Variants in HSPA4 observed in about 807,000 individuals in gnomAD.
HSPA4 encodes heat shock protein family A (Hsp70) member 4, also known as heat shock 70 kDa protein 4.
HSPA4 carries 25 observed loss-of-function variants against 106.2 expected under a neutral mutation model. The ratio of observed to expected loss-of-function variants is 0.24; its 90% CI spans 0.17 to 0.33. The LOEUF is 0.33. Ranked by LOEUF, HSPA4 falls within the 10% of genes least tolerant of loss-of-function variation. The probability of loss-of-function intolerance (pLI) is 1.00; values close to 1 mark genes in which losing one functional copy is unlikely to be tolerated. For synonymous variants in HSPA4, 332 were observed against 333.6 expected (o/e 1.00, Z 0.05); for missense variants, 841 against 996.0 (o/e 0.84, Z 2.10).
rs1765608352 is a variant in HSPA4 at position 133,088,618 on chromosome 5, T to C, written c.1137+63T>C. The stretch of plus-strand genomic sequence containing the variant: ...TCATTGTAACAAGATGGCAGTGGTT[T>C]ATGTATCTAATAACCTGGGATTAGC... On this transcript the variant is annotated intron_variant, in intron 9 of 18. Transcript: ENST00000304858. 2.1e-6 allele frequency: 3 copies of C among 1,400,332 alleles called. No homozygotes were observed. In the Admixed American group the frequency reaches 5.2e-5, roughly 24 times the overall value. The allele number at this position is 1,400,332 out of a possible 1,614,324, so 86.7% of individuals were successfully genotyped here.
In HSPA4 at chr5:133,089,115, T is replaced by C. The variant is rs1310121128; in HGVS notation, c.1198T>C (p.Tyr400His). 1.2e-6 allele frequency: 2 copies of C among 1,604,490 alleles called. No individual in the cohort carries two copies. The highest frequency in any genetic ancestry group is 1.7e-6 in the Non-Finnish European group (2 of 1,174,770). ...ATTTTCTATCACTGATGTAGTACCA[T>C]ATCCAATATCTCTGAGATGGAATTC... ...REFSITDVVP[Y>H]PISLRWNSPA... The change falls in exon 10 of 19, where the codon TAT (tyrosine) becomes CAT (histidine). Residue 400 changes from tyrosine (Y) to histidine (H), a missense_variant. Physicochemically the swap from Tyr to His is moderately conservative, Grantham distance 83. This residue lies in a region of HSPA4 where 162 missense variants were observed against 177.7 expected (regional missense o/e 0.91). Transcript: ENST00000304858.
At chr5:133,057,285 T>C (rs1040994595) in intron 1 of HSPA4, among the ~76,000 whole-genome samples, 1 of 152,178 alleles carries the variant, frequency 6.6e-6, no homozygotes, top group African/African-American at 2.4e-5. Flanking sequence ...TCTGAAAAGC[T>C]CATTTTCTCC....
In HSPA4 at chr5:133,070,454, C is replaced by T. The variant is rs764064383; in HGVS notation, c.387C>T (p.Ala129=). The T allele has an allele frequency of 5.6e-6, 9 of 1,613,222 alleles. No homozygotes were observed. Among genetic ancestry groups the T allele is most frequent in the African/African-American group, 1.3e-5 (1 of 74,834 alleles). ...AMLLSKLKET[A]ESVLKKPVVD... is the part of the protein sequence containing the mutation. ...TTTTGTCCAAACTGAAGGAGACAGC[C>T]GAAAGTGTTCTTAAGAAGCCTGTAG... The change falls in exon 4 of 19, where the codon GCC becomes GCT. Residue 129 remains alanine, a synonymous_variant. Coordinates refer to ENST00000304858, the MANE Select transcript of HSPA4 (RefSeq NM_002154.4).
At chr5:133,060,553 G>A (rs959126373) in intron 1 of HSPA4, among the ~76,000 whole-genome samples, 2 of 151,968 alleles carry the variant, frequency 1.3e-5, no homozygotes, top group African/African-American at 4.8e-5. Flanking sequence ...AGTAGAGACG[G>A]GTTTCACCGT....
chr5:133,096,444 C>T (rs1045215496), intron 14 of HSPA4, among the ~76,000 whole-genome samples, 194 bp downstream of exon 14: 6 of 152,078 alleles, frequency 3.9e-5, no homozygotes, highest in Non-Finnish European at 8.8e-5. Flanking sequence ...TATGGTGGTA[C>T]TAAGATGTCT....
chr5:133,093,703 C>G lies in HSPA4; in HGVS notation c.1650+914C>G, dbSNP rs1376623481. Among the ~76,000 whole-genome samples, 5 of 151,650 alleles carry G rather than the reference C, an allele frequency of 3.3e-5. No homozygotes were observed. In the East Asian group the frequency reaches 1.0e-3, roughly 30 times the overall value. On this transcript the variant is annotated intron_variant, in intron 13 of 18. Transcript: ENST00000304858. ...ACAGGGTTTCTCCATGTTGGCCAGG[C>G]TGGTGTTGAACTCCTGACCTCAAGT...
chr5:133,052,809 C>G (rs535398750), intron 1 of HSPA4: 1 of 153,946 alleles, frequency 6.5e-6, no homozygotes, highest in African/African-American at 2.4e-5. Flanking sequence ...GCTTGCCAGC[C>G]GCGAGACCGT....
intron 17 of HSPA4, among the ~76,000 whole-genome samples, chr5:133,102,911 G>GTTTTTTTTTTTTTTTTTTT (rs1581483781): frequency 2.0e-5 from 1 of 48,904 alleles, no homozygotes; most frequent in Non-Finnish European, 4.1e-5. Flanking sequence ...AACTAGGGTT[G>GTTTTTTTTTTTTTTTTTTT]TCTTTTTTTT....
chr5:133,080,261 A>G (rs962576399), intron 7 of HSPA4, among the ~76,000 whole-genome samples: 1 of 151,796 alleles, frequency 6.6e-6, no homozygotes, highest in African/African-American at 2.4e-5. Context: ...TAAAAATACA[A>G]AAAAGTAGCT....
intron 1 of HSPA4, among the ~76,000 whole-genome samples, chr5:133,053,579 G>A (rs1200604714): frequency 1.3e-5 from 2 of 151,870 alleles, no homozygotes; most frequent in Non-Finnish European, 1.5e-5. Flanking sequence ...CGAACTTCTG[G>A]ACTCAAGCAG....
chr5:133,094,056 C>T (rs1223331611), intron 13 of HSPA4, among the ~76,000 whole-genome samples: 1 of 152,260 alleles, frequency 6.6e-6, no homozygotes, highest in South Asian at 2.1e-4. Flanking sequence ...TGTGCCACTG[C>T]ACTCCAATTT....
At chr5:133,068,806 A>T (rs1765344997) in intron 3 of HSPA4, among the ~76,000 whole-genome samples, 1 of 152,230 alleles carries the variant, frequency 6.6e-6, no homozygotes, top group Admixed American at 6.5e-5. Context: ...TTTATTCATA[A>T]GCATTGCAAG....
rs1327091438 is a variant in HSPA4 at position 133,105,259 on chromosome 5, GTTTA to G, written c.*826_*829del. 6.6e-6 allele frequency: 1 copy of G among 152,202 alleles called. No homozygotes were observed. Among genetic ancestry groups the G allele is most frequent in the East Asian group, 1.9e-4 (1 of 5,206 alleles). The allele number at this position is 152,202 out of a possible 1,614,324, so 9.4% of individuals were successfully genotyped here. The stretch of plus-strand genomic sequence containing the variant: ...GGTGTAAAGATTTGTATCCTGGCCT[GTTTA>G]TTCAGGTGGGAGATGTTCTGTATAA... On this transcript the variant is annotated 3_prime_UTR_variant, in exon 19 of 19. Coordinates refer to ENST00000304858, the MANE Select transcript of HSPA4 (RefSeq NM_002154.4).
intron 7 of HSPA4, among the ~76,000 whole-genome samples, chr5:133,079,821 TTCA>T (rs1412385207): frequency 2.0e-5 from 3 of 152,242 alleles, no homozygotes; most frequent in African/African-American, 7.2e-5. Context: ...TTTGTGTTAA[TTCA>T]TCGTTTTGAT....
intron 16 of HSPA4, 98 bp from the exon 17 acceptor site, chr5:133,101,661 G>C: frequency 8.9e-7 from 1 of 1,121,662 alleles, no homozygotes; most frequent in Non-Finnish European, 1.3e-6. Context: ...CTTATATATA[G>C]CACACGGAGA....
chr5:133,053,823 C>G (rs1021927174), intron 1 of HSPA4, among the ~76,000 whole-genome samples: 1 of 151,748 alleles, frequency 6.6e-6, no homozygotes, highest in Non-Finnish European at 1.5e-5. Context: ...CCATGCCCGG[C>G]TAAATTTTGT....
Position 133,073,213 on chromosome 5 carries a change from C to CTTT in HSPA4, c.430-7_430-5dup, listed in dbSNP as rs756561855. On this transcript the variant is annotated splice_polypyrimidine_tract_variant and intron_variant, in intron 4 of 18. Coordinates refer to ENST00000304858, the MANE Select transcript of HSPA4 (RefSeq NM_002154.4). ...TAGAATCTATAATACAGTAAGCATT[C>CTTT]TTTTTTTTTTTTGTAGGTTCCTTGT... The CTTT allele has an allele frequency of 2.0e-5, 24 of 1,189,372 alleles. No homozygotes were observed. The highest frequency in any genetic ancestry group is 4.7e-5 in the Admixed American group (2 of 43,002). 73.7% of individuals were successfully genotyped at this position (1,189,372 alleles called of 1,614,324 possible). A position where few individuals can be genotyped will look rare whatever the true frequency, so the allele number is the denominator to read the frequency against.
intron 15 of HSPA4, among the ~76,000 whole-genome samples, chr5:133,098,257 C>G (rs1290944768): frequency 6.6e-6 from 1 of 152,054 alleles, no homozygotes; most frequent in Non-Finnish European, 1.5e-5. Context: ...CTTTTTATGA[C>G]TCAGTAGTAT....
chr5:133,091,507 C>G (rs141306105), intron 12 of HSPA4, 133 bp downstream of exon 12: 7 of 615,096 alleles, frequency 1.1e-5, no homozygotes, highest in Non-Finnish European at 8.5e-6. Context: ...GTATGTTTGC[C>G]CTTCCCCCAA....
Sources: gnomAD v4.1 joint callset for allele counts (sites outside exome capture counted in the v4.1 genomes callset) on GRCh38, gnomAD v4.1.1 for gene constraint, gnomAD v4.1.1 regional missense constraint, MANE v1.5 for transcripts, NCBI Gene and HGNC (gene_info 2026-07-23, HGNC 2026-07-21) for gene names.